Variants in GALK2 observed in about 807,000 individuals in gnomAD.
GALK2 encodes the protein N-acetylgalactosamine kinase.
In GALK2, 36 loss-of-function variants were observed where a neutral mutation model predicts 52.4. That is an observed-to-expected ratio of 0.69 (90% CI 0.53 to 0.91). The LOEUF is 0.91. Among genes scored for constraint, GALK2 ranks in the 40% least tolerant of loss-of-function variants. The probability of loss-of-function intolerance (pLI) is 0.00; values close to 1 mark genes in which losing one functional copy is unlikely to be tolerated. For missense variants in GALK2, 579 were observed against 559.1 expected, an observed-to-expected ratio of 1.04 and a Z score of -0.36; for synonymous variants, 176 against 199.1, an observed-to-expected ratio of 0.88 and a Z score of 0.98.
chr15:49,299,180 G>A (rs537313350), intron 8 of GALK2, among the ~76,000 whole-genome samples: 1 of 152,060 alleles, frequency 6.6e-6, no homozygotes, highest in Non-Finnish European at 1.5e-5. Flanking sequence ...GTGCACAGAG[G>A]TGTCCACAAT....
Position 49,271,101 on chromosome 15 carries a change from T to C in GALK2, c.505-10886T>C, listed in dbSNP as rs554129489. On this transcript the variant is annotated intron_variant, in intron 5 of 9. Coordinates refer to ENST00000560031, the MANE Select transcript of GALK2 (RefSeq NM_002044.4). ...CCTGCCGCCCATCCATTATTATCAT[T>C]ATTTAGCATTTTTAGAAGGTTAGAG... Among the ~76,000 whole-genome samples the C allele has an allele frequency of 8.5e-5, 13 of 152,212 alleles. No homozygotes were observed. The East Asian group carries it at 2.5e-3, about 29-fold the overall frequency.
chr15:49,182,712 A>C (rs931034488), intron 1 of GALK2, among the ~76,000 whole-genome samples: 1 of 151,868 alleles, frequency 6.6e-6, no homozygotes, highest in Non-Finnish European at 1.5e-5. Context: ...ATCTTATTGC[A>C]GTTTTAATTT....
intron 1 of GALK2, among the ~76,000 whole-genome samples, chr15:49,198,075 A>G (rs1466182911): frequency 1.3e-5 from 2 of 152,202 alleles, no homozygotes; most frequent in Admixed American, 6.5e-5. Context: ...ATTTATCAAC[A>G]GCATCATTAA....
intron 3 of GALK2, among the ~76,000 whole-genome samples, chr15:49,221,248 T>A (rs889396508): frequency 2.6e-5 from 4 of 152,216 alleles, no homozygotes; most frequent in African/African-American, 7.2e-5. Context: ...TGGATTGAAT[T>A]TTGTATATGG....
At chr15:49,171,438 C>G (rs893141886) in intron 1 of GALK2, among the ~76,000 whole-genome samples, 1 of 152,088 alleles carries the variant, frequency 6.6e-6, no homozygotes, top group African/African-American at 2.4e-5. Context: ...GGCATCAAGT[C>G]CTTAAGCTCT....
chr15:49,367,385 T>G, intron 3 of GALK2: 1 of 1,348,152 alleles, frequency 7.4e-7, no homozygotes, highest in Non-Finnish European at 9.9e-7. Flanking sequence ...AGACATTCAG[T>G]GAAATGTTTT....
In GALK2 at chr15:49,217,296, T is replaced by C; in HGVS notation, c.249T>C (p.Asn83=). 1 of 1,613,788 alleles carries C rather than the reference T, an allele frequency of 6.2e-7. No homozygotes were observed. Among genetic ancestry groups the C allele is most frequent in the Non-Finnish European group, 8.5e-7 (1 of 1,179,734 alleles). The change falls in exon 3 of 10, where the codon AAT becomes AAC. Residue 83 remains asparagine (N), a synonymous_variant. Coordinates refer to ENST00000560031, the MANE Select transcript of GALK2 (RefSeq NM_002044.4). ...AAACGTACGCTCTCCAACTGGCCAA[T>C]ACAAATCCCTTGTATCCGTGAGTAT... ...PVKTYALQLA[N]TNPLYPDFST...
chr15:49,356,985 C>T (rs942433420), intron 3 of GALK2, among the ~76,000 whole-genome samples: 11 of 150,800 alleles, frequency 7.3e-5, no homozygotes, highest in South Asian at 4.2e-4. Flanking sequence ...TGAATGACTA[C>T]TGGGTACATA....
At chr15:49,191,390 G>A (rs577245276) in intron 1 of GALK2, among the ~76,000 whole-genome samples, 1 of 152,208 alleles carries the variant, frequency 6.6e-6, no homozygotes, top group East Asian at 1.9e-4. Context: ...TGCTGATGTG[G>A]AACTTTAGTA....
At chr15:49,178,540 G>T in intron 1 of GALK2, 1 of 266,786 alleles carries the variant, frequency 3.7e-6, no homozygotes, top group South Asian at 5.0e-5. Flanking sequence ...GGCCACCATG[G>T]TGCACACGAA....
chr15:49,178,622 G>T, intron 1 of GALK2: 1 of 225,668 alleles, frequency 4.4e-6, no homozygotes, highest in East Asian at 1.1e-4. Context: ...GGTGGGATGT[G>T]GAGCCCTGTG....
chr15:49,338,527 A>G (rs2040166389), intron 3 of GALK2, among the ~76,000 whole-genome samples: 1 of 152,306 alleles, frequency 6.6e-6, no homozygotes, highest in South Asian at 2.1e-4. Context: ...CTTTGTGGGT[A>G]ACCCAACCTT....
upstream of GALK2, among the ~76,000 whole-genome samples, chr15:49,167,007 T>C (rs1380543943): frequency 2.6e-5 from 4 of 152,232 alleles, no homozygotes. Flanking sequence ...AAGTGATTTC[T>C]AAGCTGAGAA....
At chr15:49,289,647 C>T (rs539180954) in intron 7 of GALK2, among the ~76,000 whole-genome samples, 2 of 152,198 alleles carry the variant, frequency 1.3e-5, no homozygotes, top group Admixed American at 6.5e-5. Context: ...TTTACACATA[C>T]AGGTTCCTGA....
chr15:49,294,180 TA>T (rs2034239278), intron 8 of GALK2, among the ~76,000 whole-genome samples: 1 of 149,628 alleles, frequency 6.7e-6, no homozygotes, highest in Admixed American at 6.6e-5. Flanking sequence ...AATAAATAAA[TA>T]AATAAGCAAG....
chr15:49,215,122 G>C (rs996515502), intron 2 of GALK2, among the ~76,000 whole-genome samples: 53 of 151,972 alleles, frequency 3.5e-4, no homozygotes, highest in African/African-American at 1.3e-3. Context: ...TATGTTCTTT[G>C]CTTCTTTTCT....
intron 1 of GALK2, among the ~76,000 whole-genome samples, chr15:49,189,957 G>C (rs756384698): frequency 6.6e-6 from 1 of 152,086 alleles, no homozygotes; most frequent in Non-Finnish European, 1.5e-5. Context: ...ATATTTTTTC[G>C]TGTTTCAAGA....
chr15:49,278,567 T>C (rs2032231848), intron 5 of GALK2, among the ~76,000 whole-genome samples: 1 of 152,242 alleles, frequency 6.6e-6, no homozygotes, highest in South Asian at 2.1e-4. Context: ...TTTTAAACTT[T>C]AGTTTCTTGG....
intron 3 of GALK2, among the ~76,000 whole-genome samples, chr15:49,231,976 G>A (rs1281133872): frequency 1.3e-5 from 2 of 152,198 alleles, no homozygotes; most frequent in African/African-American, 4.8e-5. Flanking sequence ...CTGCAGTCTC[G>A]AAGACAATGG....
Sources: allele counts gnomAD v4.1 joint callset (sites outside exome capture counted in the v4.1 genomes callset), GRCh38; gene constraint gnomAD v4.1.1; transcripts MANE v1.5; gene names NCBI Gene and HGNC (gene_info 2026-07-23, HGNC 2026-07-21).